HECW2: variants seen among roughly 807,000 people sequenced by gnomAD.
HECW2 encodes HECT, C2 and WW domain containing E3 ubiquitin protein ligase 2.
In HECW2, 61 loss-of-function variants were observed where a neutral mutation model predicts 175.2. The observed-to-expected ratio is 0.35, with a 90% CI of 0.28 to 0.43. HECW2 has a LOEUF of 0.43. Among genes scored for constraint, HECW2 ranks in the 20% least tolerant of loss-of-function variants. HECW2 has a pLI of 1.00. For missense variants in HECW2, 1,524 were observed against 2,000.5 expected (o/e 0.76, Z 4.54); for synonymous variants, 671 against 731.0 (o/e 0.92, Z 1.32).
At chr2:196,444,475 A>G (rs1696127761) in intron 1 of HECW2, among the ~76,000 whole-genome samples, 1 of 152,138 alleles carries the variant, frequency 6.6e-6, no homozygotes, top group Non-Finnish European at 1.5e-5. Flanking sequence ...TTAACCCTTA[A>G]TGCTTCTCTC....
chr2:196,425,987 T>A (rs1473721031), intron 2 of HECW2, among the ~76,000 whole-genome samples: 1 of 152,134 alleles, frequency 6.6e-6, no homozygotes, highest in Non-Finnish European at 1.5e-5. Context: ...TTAAACACAT[T>A]GTGCAGCTAC....
At position 196,278,140 on chromosome 2, in the gene HECW2, A is replaced by T. The variant is rs769829627; in HGVS notation, c.3135+388T>A. 7.1e-4 allele frequency among the ~76,000 whole-genome samples: 79 copies of T among 111,862 alleles called. 12 individuals are homozygous for T. Among genetic ancestry groups the T allele is most frequent in the Admixed American group, 1.1e-3 (11 of 9,872 alleles). The allele number at this position is 111,862 out of a possible 152,430, so 73.4% of individuals were successfully genotyped here. On this transcript the variant is annotated intron_variant, in intron 15 of 28. Coordinates refer to ENST00000644978, the MANE Select transcript of HECW2 (RefSeq NM_001348768.2). Reference sequence around the variant, plus strand: ...CTTAAAGTATAATTAAAAAATATATATATATATATATAAAGAAATTCCACA... The same window carrying T: ...CTTAAAGTATAATTAAAAAATATATTTATATATATATAAAGAAATTCCACA...
chr2:196,217,277 AAAC>A (rs1046388805), intron 26 of HECW2, 184 bp from the exon 27 acceptor site: 1 of 438,570 alleles, frequency 2.3e-6, no homozygotes, highest in Non-Finnish European at 4.1e-6. Context: ...AGTTAAACAA[AAAC>A]AACATTAAGT....
At chr2:196,476,392 G>A (rs1412597050) in intron 1 of HECW2, among the ~76,000 whole-genome samples, 4 of 151,540 alleles carry the variant, frequency 2.6e-5, no homozygotes, top group South Asian at 2.1e-4. Context: ...GCAATAAACC[G>A]GGATTGTGCC....
intron 10 of HECW2, 130 bp downstream of exon 10, chr2:196,317,144 C>T (rs1288225581): frequency 1.4e-6 from 1 of 695,342 alleles, no homozygotes; most frequent in Non-Finnish European, 2.6e-6. Context: ...CCTGCTATGT[C>T]AAGTGGCAAC....
At chr2:196,340,915 T>A (rs1692726407) in intron 3 of HECW2, among the ~76,000 whole-genome samples, 1 of 140,184 alleles carries the variant, frequency 7.1e-6, no homozygotes, top group Non-Finnish European at 1.6e-5. Context: ...GTGGAAATGC[T>A]AAAATACGGA....
At chr2:196,558,454 G>A (rs944430186) in intron 1 of HECW2, among the ~76,000 whole-genome samples, 10 of 152,144 alleles carry the variant, frequency 6.6e-5, no homozygotes, top group African/African-American at 2.4e-4. Flanking sequence ...TCCTTTCCAG[G>A]ATACTATATG....
At chr2:196,542,911 T>C (rs1689276556) in intron 1 of HECW2, among the ~76,000 whole-genome samples, 1 of 148,280 alleles carries the variant, frequency 6.7e-6, no homozygotes, top group Admixed American at 6.8e-5. Flanking sequence ...ATATGTAATA[T>C]AGATCTATAG....
intron 28 of HECW2, among the ~76,000 whole-genome samples, chr2:196,210,472 C>CACCA (rs1687238382): frequency 6.6e-6 from 1 of 152,070 alleles, no homozygotes; most frequent in Non-Finnish European, 1.5e-5. Flanking sequence ...TCCAAGCATG[C>CACCA]ACCACCATGA....
chr2:196,542,498 A>G (rs957656982), intron 1 of HECW2, among the ~76,000 whole-genome samples: 2 of 152,160 alleles, frequency 1.3e-5, no homozygotes, highest in Non-Finnish European at 1.5e-5. Flanking sequence ...TAATTTTTAG[A>G]TAGTTTATTC....
chr2:196,214,869 T>A (rs1687416008), intron 28 of HECW2, among the ~76,000 whole-genome samples: 1 of 152,202 alleles, frequency 6.6e-6, no homozygotes, highest in African/African-American at 2.4e-5. Context: ...AGATGACATC[T>A]TGGGGTACCT....
At position 196,425,021 on chromosome 2, in the gene HECW2, G is replaced by A. The variant is rs551471359; in HGVS notation, c.292+8111C>T. ...CTCTTGTTAGGGGCTCATACAGCTG[G>A]TGACTTTAAGTTGAAGCCAATGCTC... On this transcript the variant is annotated intron_variant, in intron 2 of 28. Transcript: ENST00000644978. 4.6e-5 allele frequency among the ~76,000 whole-genome samples: 7 copies of A among 152,132 alleles called. No homozygotes were observed. In the East Asian group the frequency reaches 1.4e-3, roughly 29 times the overall value.
At chr2:196,298,101 G>C (rs1000484356) in intron 13 of HECW2, among the ~76,000 whole-genome samples, 4 of 152,090 alleles carry the variant, frequency 2.6e-5, no homozygotes, top group Admixed American at 1.3e-4. Context: ...TGTATTTTTA[G>C]AGCTCATTAA....
At chr2:196,477,283 T>C (rs1394761776) in intron 1 of HECW2, among the ~76,000 whole-genome samples, 1 of 152,210 alleles carries the variant, frequency 6.6e-6, no homozygotes, top group Non-Finnish European at 1.5e-5. Flanking sequence ...TTTCCAGCAG[T>C]TGTCTAATAA....
intron 3 of HECW2, among the ~76,000 whole-genome samples, chr2:196,340,814 T>G (rs1692723279): frequency 6.6e-6 from 1 of 152,078 alleles, no homozygotes; most frequent in South Asian, 2.1e-4. Flanking sequence ...TTATACTACA[T>G]TTCTCAGTCT....
At chr2:196,530,844 C>A (rs1164772730) in intron 1 of HECW2, among the ~76,000 whole-genome samples, 1 of 152,126 alleles carries the variant, frequency 6.6e-6, no homozygotes, top group African/African-American at 2.4e-5. Flanking sequence ...TAATTTGTGG[C>A]CTCCTTGTTG....
At chr2:196,437,895 AAG>A (rs553301483) in intron 1 of HECW2, among the ~76,000 whole-genome samples, 4 of 152,158 alleles carry the variant, frequency 2.6e-5, no homozygotes, top group Non-Finnish European at 4.4e-5. Flanking sequence ...TGGTGGCCAG[AAG>A]AGTTAGCATG....
intron 13 of HECW2, among the ~76,000 whole-genome samples, chr2:196,305,169 G>A (rs1049312751): frequency 1.3e-5 from 2 of 152,138 alleles, no homozygotes; most frequent in Non-Finnish European, 2.9e-5. Context: ...GGATGCCAGG[G>A]CCCACAGTTG....
At chr2:196,208,357 C>T (rs904876745) in intron 28 of HECW2, among the ~76,000 whole-genome samples, 3 of 152,208 alleles carry the variant, frequency 2.0e-5, no homozygotes, top group Non-Finnish European at 4.4e-5. Flanking sequence ...CCAAAGTTAT[C>T]CCTAAAGATT....
Sources: gnomAD v4.1 joint callset for allele counts (sites outside exome capture counted in the v4.1 genomes callset) on GRCh38, gnomAD v4.1.1 for gene constraint, MANE v1.5 for transcripts, NCBI Gene and HGNC (gene_info 2026-07-23, HGNC 2026-07-21) for gene names.